DSC3: variants seen among roughly 807,000 people sequenced by gnomAD.
DSC3 encodes desmocollin 3.
DSC3 carries 97 observed loss-of-function variants against 89.5 expected under a neutral mutation model. That is an observed-to-expected ratio of 1.08 (90% CI 0.92 to 1.28). The LOEUF (loss-of-function observed/expected upper bound fraction) is 1.28, where lower values mean the gene tolerates loss of function less well. Among genes scored for constraint, DSC3 ranks in the 50% most tolerant of loss-of-function variants. The pLI is 0.00. For missense variants in DSC3, 1,199 were observed against 1,085.3 expected (o/e 1.10, Z -1.47); for synonymous variants, 436 against 384.1 (o/e 1.14, Z -1.58).
intron 5 of DSC3, among the ~76,000 whole-genome samples, chr18:31,025,385 T>C (rs1445134907): frequency 1.3e-5 from 2 of 152,100 alleles, no homozygotes; most frequent in Non-Finnish European, 2.9e-5. Context: ...AAGAACAGTA[T>C]AGATACAGGA....
At chr18:31,041,035 G>A (rs1442517137) in intron 1 of DSC3, among the ~76,000 whole-genome samples, 1 of 152,028 alleles carries the variant, frequency 6.6e-6, no homozygotes, top group African/African-American at 2.4e-5. Context: ...GTATGTGCTA[G>A]ATCAAAGCTG....
chr18:31,032,042 A>G (rs1355763349), intron 2 of DSC3, 150 bp downstream of exon 2: 1 of 647,092 alleles, frequency 1.5e-6, no homozygotes, highest in African/African-American at 1.8e-5. Flanking sequence ...CACATTTTTA[A>G]CAGAATGATA....
intron 4 of DSC3, among the ~76,000 whole-genome samples, chr18:31,026,280 T>A (rs1985596717): frequency 9.0e-6 from 1 of 110,944 alleles, no homozygotes; most frequent in Admixed American, 1.1e-4. Context: ...AGAAAAAGCA[T>A]GGAAAAAAGA....
chr18:31,025,418 T>C (rs1280866378), intron 5 of DSC3, among the ~76,000 whole-genome samples: 1 of 152,088 alleles, frequency 6.6e-6, no homozygotes, highest in African/African-American at 2.4e-5. Context: ...ACTGTAGACA[T>C]GTCTTGAAAT....
chr18:30,990,098 C>T lies in DSC3; in HGVS notation c.*4077G>A, dbSNP rs1984182115. On this transcript the variant is annotated 3_prime_UTR_variant, in exon 16 of 16. Coordinates refer to ENST00000360428, the MANE Select transcript of DSC3 (RefSeq NM_001941.5). ...TAGTATATCCAACTACATAATTTTA[C>T]CAACTACCTCACACTTATAATTCTT... 6.6e-6 allele frequency: 1 copy of T among 152,160 alleles called. No individual in the cohort carries two copies. The highest frequency in any genetic ancestry group is 1.5e-5 in the Non-Finnish European group (1 of 68,018). 9.4% of individuals were successfully genotyped at this position (152,160 alleles called of 1,614,324 possible). A position where few individuals can be genotyped will look rare whatever the true frequency, so the allele number is the denominator to read the frequency against.
At position 31,008,046 on chromosome 18, in the gene DSC3, A is replaced by G. The variant is rs1435777932; in HGVS notation, c.1633T>C (p.Tyr545His). ...REVETPKNEL[Y>H]NITVLAIDKD... Reference sequence around the variant, plus strand: ...TCTATTGCCAGGACTGTAATATTATACAACTCATTTTTGGGAGTTTCAACC... The same window carrying G: ...TCTATTGCCAGGACTGTAATATTATGCAACTCATTTTTGGGAGTTTCAACC... Residue 545 changes from tyrosine to histidine, a missense_variant, in exon 11 of 16, where the codon TAT (tyrosine) becomes CAT (histidine). Coordinates refer to ENST00000360428, the MANE Select transcript of DSC3 (RefSeq NM_001941.5). The G allele has an allele frequency of 6.2e-7, 1 of 1,613,404 alleles. No individual in the cohort carries two copies. Among genetic ancestry groups the G allele is most frequent in the African/African-American group, 1.3e-5 (1 of 75,012 alleles).
intron 1 of DSC3, among the ~76,000 whole-genome samples, chr18:31,037,347 T>C (rs1163935170): frequency 6.6e-6 from 1 of 152,212 alleles, no homozygotes; most frequent in Non-Finnish European, 1.5e-5. Context: ...TAGTTAATCC[T>C]GTCGCTGGCA....
intron 7 of DSC3, 82 bp from the exon 8 acceptor site, chr18:31,018,882 A>T: frequency 8.2e-7 from 1 of 1,225,430 alleles, no homozygotes; most frequent in Non-Finnish European, 1.2e-6. Context: ...ACACTCACTC[A>T]CTCACATACA....
intron 14 of DSC3, among the ~76,000 whole-genome samples, chr18:30,999,702 T>A (rs1347857631): frequency 6.6e-6 from 1 of 152,188 alleles, no homozygotes; most frequent in African/African-American, 2.4e-5. Context: ...AATTTCTAGG[T>A]TTACTTTTCC....
chr18:31,023,930 T>C (rs1485707296), intron 6 of DSC3, among the ~76,000 whole-genome samples: 1 of 152,134 alleles, frequency 6.6e-6, no homozygotes, highest in Non-Finnish European at 1.5e-5. Context: ...AAAAAAACTG[T>C]ACCCTTAGTG....
At chr18:31,016,044 C>T (rs910524060) in intron 9 of DSC3, among the ~76,000 whole-genome samples, 2 of 152,106 alleles carry the variant, frequency 1.3e-5, no homozygotes, top group Non-Finnish European at 1.5e-5. Context: ...TTCCCACCAG[C>T]GCCATGATGG....
At chr18:31,028,063 G>A (rs1299259022) in intron 4 of DSC3, among the ~76,000 whole-genome samples, 1 of 151,994 alleles carries the variant, frequency 6.6e-6, no homozygotes, top group Non-Finnish European at 1.5e-5. Flanking sequence ...GATAGTTTGG[G>A]CTGGAAATAC....
rs1014502910 is a variant in DSC3, at chr18:30,991,275, T to C, written c.*2900A>G. On this transcript the variant is annotated 3_prime_UTR_variant, in exon 16 of 16. Coordinates refer to ENST00000360428, the MANE Select transcript of DSC3 (RefSeq NM_001941.5). ...TATAAAAGTAAGAAAAAACATTCTG[T>C]ATATTTACATAAAAAATTCTAAATC... 5.9e-5 allele frequency: 9 copies of C among 152,636 alleles called. No homozygotes were observed. Among genetic ancestry groups the C allele is most frequent in the African/African-American group, 1.9e-4 (8 of 41,448 alleles). 9.5% of individuals were successfully genotyped at this position (152,636 alleles called of 1,614,324 possible).
intron 1 of DSC3, among the ~76,000 whole-genome samples, chr18:31,037,726 C>T (rs1005078246): frequency 3.3e-5 from 5 of 152,098 alleles, no homozygotes; most frequent in Non-Finnish European, 4.4e-5. Flanking sequence ...ATGGTGAAAC[C>T]TCGTCTCTAC....
chr18:31,041,378 C>T (rs1168679358), intron 1 of DSC3, among the ~76,000 whole-genome samples: 1 of 152,224 alleles, frequency 6.6e-6, no homozygotes, highest in African/African-American at 2.4e-5. Flanking sequence ...CAAATGGATG[C>T]GCTTATTTGT....
chr18:31,007,932 C>A, intron 11 of DSC3, 84 bp downstream of exon 11: 1 of 1,264,668 alleles, frequency 7.9e-7, no homozygotes, highest in South Asian at 1.3e-5. Flanking sequence ...CATACACTTA[C>A]CACCAAAATA....
At chr18:31,018,476 G>T (rs1328812480) in intron 8 of DSC3, among the ~76,000 whole-genome samples, 190 bp downstream of exon 8, 1 of 151,996 alleles carries the variant, frequency 6.6e-6, no homozygotes. Flanking sequence ...TGACAGAAGG[G>T]AGATAATAGA....
chr18:30,994,702 C>G (rs993712941), intron 15 of DSC3, among the ~76,000 whole-genome samples: 1 of 152,146 alleles, frequency 6.6e-6, no homozygotes, highest in Non-Finnish European at 1.5e-5. Flanking sequence ...AATAGTCATA[C>G]TGGTTAGGAG....
chr18:31,020,005 G>A (rs1463142814), intron 7 of DSC3, among the ~76,000 whole-genome samples: 2 of 152,068 alleles, frequency 1.3e-5, no homozygotes, highest in Non-Finnish European at 2.9e-5. Flanking sequence ...TACAAGAAAT[G>A]CAGGAGAACG....
Sources: allele counts gnomAD v4.1 joint callset (sites outside exome capture counted in the v4.1 genomes callset), GRCh38; gene constraint gnomAD v4.1.1; transcripts MANE v1.5; gene names NCBI Gene and HGNC (gene_info 2026-07-23, HGNC 2026-07-21).